RASAL2: variants seen among roughly 807,000 people sequenced by gnomAD.
RASAL2 encodes ras GTPase-activating protein nGAP.
A neutral mutation model predicts 128.9 loss-of-function variants in RASAL2; 58 were observed. The ratio of observed to expected loss-of-function variants is 0.45; its 90% CI spans 0.36 to 0.56. The LOEUF (loss-of-function observed/expected upper bound fraction) is 0.56, where lower values mean the gene tolerates loss of function less well. Among genes scored for constraint, RASAL2 ranks in the 20% least tolerant of loss-of-function variants. RASAL2 has a pLI of 0.00. For missense variants in RASAL2, 1,360 were observed against 1,601.6 expected (o/e 0.85, Z 2.57); for synonymous variants, 561 against 580.8 (o/e 0.97, Z 0.49).
intron 1 of RASAL2, among the ~76,000 whole-genome samples, chr1:178,128,848 C>T (rs1444544351): frequency 2.6e-5 from 4 of 152,112 alleles, no homozygotes; most frequent in East Asian, 1.9e-4. Flanking sequence ...CATGTTGTAA[C>T]GTGAATTAGT....
chr1:178,220,370 G>A (rs1663573420), intron 1 of RASAL2, among the ~76,000 whole-genome samples: 2 of 152,048 alleles, frequency 1.3e-5, no homozygotes, highest in South Asian at 2.1e-4. Flanking sequence ...AACACATAAG[G>A]GTTTATTGGT....
chr1:178,450,327 C>G (rs893382772), intron 9 of RASAL2, among the ~76,000 whole-genome samples: 1 of 152,080 alleles, frequency 6.6e-6, no homozygotes, highest in Non-Finnish European at 1.5e-5. Context: ...GAAACTCAGA[C>G]GAATTAAGTG....
chr1:178,204,239 G>A (rs1284338755), intron 1 of RASAL2, among the ~76,000 whole-genome samples: 1 of 152,142 alleles, frequency 6.6e-6, no homozygotes, highest in Non-Finnish European at 1.5e-5. Flanking sequence ...GTTGTACGAA[G>A]GATAGTTGTA....
intron 3 of RASAL2, among the ~76,000 whole-genome samples, chr1:178,383,550 C>A (rs1408981804): frequency 6.6e-6 from 1 of 152,058 alleles, no homozygotes; most frequent in African/African-American, 2.4e-5. Context: ...CTTTAGGAGT[C>A]CTCCAGCAAA....
At chr1:178,145,936 T>C (rs73049402) in intron 1 of RASAL2, among the ~76,000 whole-genome samples, 2,056 of 152,294 alleles carry the variant, frequency 0.014, 48 homozygotes, top group African/African-American at 0.046. Context: ...TAAGGGAAAC[T>C]GGAAAACTAA....
chr1:178,136,996 C>A (rs1331533111), intron 1 of RASAL2, among the ~76,000 whole-genome samples: 1 of 151,926 alleles, frequency 6.6e-6, no homozygotes, highest in African/African-American at 2.4e-5. Context: ...TAAGTAGGAG[C>A]CAGATCTTAA....
chr1:178,259,085 G>T (rs1303063523), intron 1 of RASAL2, among the ~76,000 whole-genome samples: 1 of 151,672 alleles, frequency 6.6e-6, no homozygotes, highest in Non-Finnish European at 1.5e-5. Flanking sequence ...GGGCCGAGGG[G>T]GATGGGTGGA....
intron 5 of RASAL2, among the ~76,000 whole-genome samples, chr1:178,431,255 A>G (rs1182043859): frequency 6.6e-6 from 1 of 152,150 alleles, no homozygotes; most frequent in African/African-American, 2.4e-5. Context: ...AGTTAATTTT[A>G]ACAATTAGGA....
chr1:178,392,372 A>C (rs1166463200), intron 4 of RASAL2, among the ~76,000 whole-genome samples: 2 of 152,162 alleles, frequency 1.3e-5, no homozygotes, highest in Admixed American at 1.3e-4. Context: ...GGGATGACTG[A>C]TGCTTCCAGG....
At chr1:178,269,243 C>T (rs1294581308) in intron 1 of RASAL2, among the ~76,000 whole-genome samples, 1 of 152,184 alleles carries the variant, frequency 6.6e-6, no homozygotes, top group Non-Finnish European at 1.5e-5. Context: ...ACTAAATTGG[C>T]CAGTACCTTG....
At chr1:178,418,037 T>A (rs1482505350) in intron 4 of RASAL2, among the ~76,000 whole-genome samples, 1 of 152,052 alleles carries the variant, frequency 6.6e-6, no homozygotes, top group Non-Finnish European at 1.5e-5. Context: ...ACATAAAGCC[T>A]TTGCCTTTAT....
At chr1:178,247,200 C>A (rs766953992) in intron 1 of RASAL2, among the ~76,000 whole-genome samples, 6 of 151,678 alleles carry the variant, frequency 4.0e-5, no homozygotes, top group Non-Finnish European at 7.4e-5. Flanking sequence ...TGGTCCTGGG[C>A]TTTTTTTTGT....
chr1:178,233,468 A>T (rs1234408211), intron 1 of RASAL2, among the ~76,000 whole-genome samples: 1 of 152,248 alleles, frequency 6.6e-6, no homozygotes, highest in Non-Finnish European at 1.5e-5. Flanking sequence ...TGGGAAAGCC[A>T]CTGGGTGCTT....
intron 1 of RASAL2, among the ~76,000 whole-genome samples, chr1:178,133,485 CT>C (rs928071975): frequency 0.011 from 1,446 of 136,784 alleles, 6 homozygotes; most frequent in African/African-American, 0.017. Context: ...CCTGTTACTT[CT>C]TTTTTTTTTT....
intron 4 of RASAL2, among the ~76,000 whole-genome samples, chr1:178,404,162 G>T (rs1326835514): frequency 1.3e-5 from 2 of 148,534 alleles, no homozygotes; most frequent in Admixed American, 1.4e-4. Flanking sequence ...GGAGGCAGAG[G>T]TTGCAGTGAG....
chr1:178,383,048 G>GC (rs1672367839), intron 3 of RASAL2, among the ~76,000 whole-genome samples: 1 of 151,690 alleles, frequency 6.6e-6, no homozygotes, highest in East Asian at 1.9e-4. Context: ...CCTTGGCTGG[G>GC]GAAAAAAATT....
rs954359080 is a variant in RASAL2, at chr1:178,473,347, G to T, written c.*108G>T. 1.5e-6 allele frequency: 2 copies of T among 1,353,996 alleles called. No individual in the cohort carries two copies. Among genetic ancestry groups the T allele is most frequent in the Non-Finnish European group, 2.0e-6 (2 of 980,450 alleles). 83.9% of individuals were successfully genotyped at this position (1,353,996 alleles called of 1,614,324 possible). ...CAGAATGTTGCTACTTCACAATGGC[G>T]ATGTGGTGAGAAACTCCTGAATGAA... On this transcript the variant is annotated 3_prime_UTR_variant, in exon 18 of 18. Coordinates refer to ENST00000367649, the MANE Select transcript of RASAL2 (RefSeq NM_170692.4).
At chr1:178,158,321 A>G (rs909356690) in intron 1 of RASAL2, among the ~76,000 whole-genome samples, 5 of 152,358 alleles carry the variant, frequency 3.3e-5, no homozygotes, top group African/African-American at 9.6e-5. Flanking sequence ...GTGTCCTTCA[A>G]CAAAGTAGTG....
At chr1:178,253,957 TC>T (rs1433399185) in intron 1 of RASAL2, among the ~76,000 whole-genome samples, 1 of 152,182 alleles carries the variant, frequency 6.6e-6, no homozygotes, top group African/African-American at 2.4e-5. Context: ...ACAAATCCGA[TC>T]CTGTAAGTCT....
Sources: gnomAD v4.1 joint callset for allele counts (sites outside exome capture counted in the v4.1 genomes callset) on GRCh38, gnomAD v4.1.1 for gene constraint, MANE v1.5 for transcripts, NCBI Gene and HGNC (gene_info 2026-07-23, HGNC 2026-07-21) for gene names.